Variants in PCDHGA7 observed in about 807,000 individuals in gnomAD.
PCDHGA7 encodes protocadherin gamma-A7.
PCDHGA7 carries 44 observed loss-of-function variants against 58.3 expected under a neutral mutation model. The observed-to-expected ratio is 0.75, with a 90% CI of 0.59 to 0.97. The LOEUF (loss-of-function observed/expected upper bound fraction) is 0.97, where lower values mean the gene tolerates loss of function less well. PCDHGA7 is among the 50% of genes least tolerant of loss of function. The pLI, the probability that PCDHGA7 is intolerant of heterozygous loss-of-function variation, is 0.00. For synonymous variants in PCDHGA7, 516 were observed against 504.2 expected, an observed-to-expected ratio of 1.02 and a Z score of -0.31; for missense variants, 1,266 against 1,188.7, an observed-to-expected ratio of 1.06 and a Z score of -0.96.
At chr5:141,408,401 C>T in intron 1 of PCDHGA7, 2 of 1,614,010 alleles carry the variant, frequency 1.2e-6, no homozygotes, top group Non-Finnish European at 8.5e-7. Context: ...TCGCAAGCTG[C>T]GAGTGAGCGC....
intron 1 of PCDHGA7, among the ~76,000 whole-genome samples, chr5:141,433,559 G>A (rs2154555800): frequency 6.6e-6 from 1 of 152,212 alleles, no homozygotes; most frequent in Non-Finnish European, 1.5e-5. Context: ...TTTCTGGCTG[G>A]GCGCGGTGGC....
rs755499740 is a variant in PCDHGA7 at position 141,389,751 on chromosome 5, G to C, written c.2424+4428G>C. 1.9e-6 allele frequency: 3 copies of C among 1,612,800 alleles called. No individual in the cohort carries two copies. The highest frequency in any genetic ancestry group is 1.1e-5 in the South Asian group (1 of 91,032). ...CTTCAGCCTGGGGCTGCGCACGGGC[G>C]AAGTGCGCACAGCGCGTGCCTTAGG... On this transcript the variant is annotated intron_variant, in intron 1 of 3. Coordinates refer to ENST00000518325, the MANE Select transcript of PCDHGA7 (RefSeq NM_018920.4).
chr5:141,423,804 T>C (rs571396807), intron 1 of PCDHGA7: 50 of 1,240,508 alleles, frequency 4.0e-5, no homozygotes, highest in African/African-American at 2.7e-4. Flanking sequence ...GAGCAATACA[T>C]GTGAGTTTTA....
At chr5:141,414,738 C>T in intron 1 of PCDHGA7, 1 of 1,614,238 alleles carries the variant, frequency 6.2e-7, no homozygotes, top group Non-Finnish European at 8.5e-7. Context: ...TGTATGCACT[C>T]AGATCCTTCG....
intron 1 of PCDHGA7, chr5:141,423,928 G>C: frequency 8.1e-7 from 1 of 1,236,850 alleles, no homozygotes; most frequent in Non-Finnish European, 1.0e-6. Flanking sequence ...ATGCTGGTTT[G>C]GTTTGAAGTA....
chr5:141,474,970 A>G (rs1309289477), intron 1 of PCDHGA7, among the ~76,000 whole-genome samples: 4 of 152,212 alleles, frequency 2.6e-5, no homozygotes, highest in African/African-American at 9.6e-5. Context: ...TAATCATTAT[A>G]ATTTTGTTTG....
chr5:141,419,443 C>G lies in PCDHGA7; in HGVS notation c.2424+34120C>G, dbSNP rs1476796525. ...TCGACCACGAGCAGCTGCGCACCTT[C>G]GAGCTCACGCTGCAGGCCCGCGACC... On this transcript the variant is annotated intron_variant, in intron 1 of 3. Coordinates refer to ENST00000518325, the MANE Select transcript of PCDHGA7 (RefSeq NM_018920.4). 6.2e-7 allele frequency: 1 copy of G among 1,613,080 alleles called. No individual in the cohort carries two copies. Among genetic ancestry groups the G allele is most frequent in the Non-Finnish European group, 8.5e-7 (1 of 1,179,758 alleles).
chr5:141,421,019 C>T, intron 1 of PCDHGA7: 1 of 516,402 alleles, frequency 1.9e-6, no homozygotes, highest in Non-Finnish European at 3.4e-6. Flanking sequence ...TGGGAAGCTG[C>T]GCGCCATTGA....
chr5:141,465,761 G>A (rs1040750106), intron 1 of PCDHGA7, among the ~76,000 whole-genome samples: 2 of 151,634 alleles, frequency 1.3e-5, no homozygotes, highest in African/African-American at 4.8e-5. Flanking sequence ...GTAAAGTCAT[G>A]TTTCATCTCT....
At chr5:141,447,178 C>T (rs1258561542) in intron 1 of PCDHGA7, among the ~76,000 whole-genome samples, 2 of 152,094 alleles carry the variant, frequency 1.3e-5, no homozygotes, top group Middle Eastern at 3.4e-3. Context: ...TTGCTCTTGT[C>T]GCGCAGGCTG....
At chr5:141,422,769 T>C (rs1274700138) in intron 1 of PCDHGA7, 1 of 1,613,852 alleles carries the variant, frequency 6.2e-7, no homozygotes, top group Admixed American at 1.7e-5. Context: ...ACACTGGTGT[T>C]CTCTATGCCC....
At chr5:141,500,876 A>G (rs909126749) in intron 2 of PCDHGA7, among the ~76,000 whole-genome samples, 1 of 124,952 alleles carries the variant, frequency 8.0e-6, no homozygotes, top group African/African-American at 3.5e-5. Flanking sequence ...ATTCATTTAC[A>G]ATTTTTTTTT....
chr5:141,392,640 A>T, intron 1 of PCDHGA7: 1 of 651,284 alleles, frequency 1.5e-6, no homozygotes, highest in Non-Finnish European at 2.5e-6. Context: ...CTCACACCTC[A>T]CGAAGACCCG....
At chr5:141,386,071 T>C (rs1306390506) in intron 1 of PCDHGA7, 4 of 152,214 alleles carry the variant, frequency 2.6e-5, no homozygotes, top group Non-Finnish European at 5.9e-5. Context: ...CAGTATGTTG[T>C]TTTAGTGGTA....
At chr5:141,464,000 T>C (rs1045842127) in intron 1 of PCDHGA7, among the ~76,000 whole-genome samples, 15 of 152,158 alleles carry the variant, frequency 9.9e-5, no homozygotes, top group Non-Finnish European at 1.3e-4. Context: ...GTGCAGTGGC[T>C]CATGCTTGTA....
intron 1 of PCDHGA7, chr5:141,421,722 G>C: frequency 6.2e-7 from 1 of 1,613,972 alleles, no homozygotes; most frequent in Non-Finnish European, 8.5e-7. Flanking sequence ...ATGTGGGCGT[G>C]AACTCCCTCC....
chr5:141,409,014 AG>A, intron 1 of PCDHGA7: 1 of 1,614,014 alleles, frequency 6.2e-7, no homozygotes, highest in Non-Finnish European at 8.5e-7. Context: ...GACCAGGATG[AG>A]GGGGTCAATG....
intron 3 of PCDHGA7, among the ~76,000 whole-genome samples, chr5:141,509,583 A>G (rs1008344833): frequency 7.2e-5 from 11 of 152,320 alleles, no homozygotes; most frequent in African/African-American, 2.4e-4. Flanking sequence ...CGTACAAATC[A>G]GCTGGCAATT....
In PCDHGA7 at chr5:141,432,508, G is replaced by A. The variant is rs1306067848; in HGVS notation, c.2424+47185G>A. ...TGGAGCTGGCTCCCCGCTCCGCAGA[G>A]CCCGGCTACCTGGTGACCAAGGTGG... On this transcript the variant is annotated intron_variant, in intron 1 of 3. Coordinates refer to ENST00000518325, the MANE Select transcript of PCDHGA7 (RefSeq NM_018920.4). This position sits in a 1 kb window ranked among gnomAD's most constrained non-coding sequence, Gnocchi z 6.0. The A allele has an allele frequency of 1.9e-6, 3 of 1,614,136 alleles. No individual in the cohort carries two copies. Among genetic ancestry groups the A allele is most frequent in the Non-Finnish European group, 2.5e-6 (3 of 1,180,034 alleles).
Sources: allele counts gnomAD v4.1 joint callset (sites outside exome capture counted in the v4.1 genomes callset), GRCh38; gene constraint gnomAD v4.1.1; non-coding constraint Gnocchi (gnomAD v3.1); transcripts MANE v1.5; gene names NCBI Gene and HGNC (gene_info 2026-07-23, HGNC 2026-07-21).